MGAT4C: variants seen among roughly 807,000 people sequenced by gnomAD.
MGAT4C encodes the protein MGAT4 family member C, also known as alpha-1,3-mannosyl-glycoprotein 4-beta-N-acetylglucosaminyltransferase C.
A neutral mutation model predicts 40.1 loss-of-function variants in MGAT4C; 19 were observed. That is an observed-to-expected ratio of 0.47 (90% CI 0.33 to 0.70). The LOEUF is 0.70. Among genes scored for constraint, MGAT4C ranks in the 30% least tolerant of loss-of-function variants. The pLI, the probability that MGAT4C is intolerant of heterozygous loss-of-function variation, is 0.02. For synonymous variants in MGAT4C, 181 were observed against 187.1 expected (o/e 0.97, Z 0.27); for missense variants, 491 against 563.2 (o/e 0.87, Z 1.30).
intron 3 of MGAT4C, among the ~76,000 whole-genome samples, chr12:86,424,770 A>G (rs951560421): frequency 2.0e-5 from 3 of 152,040 alleles, no homozygotes; most frequent in Non-Finnish European, 4.4e-5. Context: ...ATATACATAC[A>G]TATTTAGACA....
chr12:86,257,481 A>C (rs1010918762), upstream of MGAT4C, among the ~76,000 whole-genome samples: 22 of 152,210 alleles, frequency 1.4e-4, no homozygotes, highest in Non-Finnish European at 2.5e-4. Flanking sequence ...CGAACAGTAC[A>C]AGCACCTGGA....
intron 1 of MGAT4C, among the ~76,000 whole-genome samples, chr12:86,804,736 G>T (rs1404001583): frequency 6.6e-6 from 1 of 151,930 alleles, no homozygotes; most frequent in Non-Finnish European, 1.5e-5. Flanking sequence ...AGCCATCAAA[G>T]AAATTTGCAC....
intron 1 of MGAT4C, among the ~76,000 whole-genome samples, chr12:86,124,678 T>C (rs955338520): frequency 2.0e-5 from 3 of 152,088 alleles, no homozygotes; most frequent in Non-Finnish European, 2.9e-5. Context: ...TTATACCAGA[T>C]AGGCTATTCA....
intron 4 of MGAT4C, among the ~76,000 whole-genome samples, chr12:86,276,017 C>A (rs542048177): frequency 2.1e-5 from 3 of 144,276 alleles, no homozygotes; most frequent in Admixed American, 1.4e-4. Context: ...CAGCTACAGG[C>A]TGAGGCTGGA....
In MGAT4C at chr12:85,960,097, G is replaced by A. The variant is rs757233575; in HGVS notation, c.*19192C>T. 61 of 151,878 alleles carry A rather than the reference G, an allele frequency of 4.0e-4. No individual in the cohort carries two copies. Among genetic ancestry groups the A allele is most frequent in the Non-Finnish European group, 8.2e-4 (56 of 67,896 alleles). 9.4% of individuals were successfully genotyped at this position (151,878 alleles called of 1,614,324 possible). A position where few individuals can be genotyped will look rare whatever the true frequency, so the allele number is the denominator to read the frequency against. ...GTCTAATTTTTGGAAAGTATACTTC[G>A]CCTTTTCAGTAATTTTATTTTTCGG... is the stretch of plus-strand genomic sequence containing the variant. On this transcript the variant is annotated 3_prime_UTR_variant, in exon 5 of 5. Coordinates refer to ENST00000611864, the MANE Select transcript of MGAT4C (RefSeq NM_001351288.2).
chr12:86,146,229 C>T (rs1263253676), intron 1 of MGAT4C, among the ~76,000 whole-genome samples: 1 of 152,208 alleles, frequency 6.6e-6, no homozygotes, highest in African/African-American at 2.4e-5. Context: ...TATTTTCTTA[C>T]ATGTATATTC....
At chr12:86,426,573 C>G (rs1049647551) in intron 3 of MGAT4C, among the ~76,000 whole-genome samples, 1 of 152,160 alleles carries the variant, frequency 6.6e-6, no homozygotes, top group Non-Finnish European at 1.5e-5. Flanking sequence ...TTTCTGGAAT[C>G]CAGGTAGACT....
chr12:85,987,052 G>T (rs1271943026), intron 3 of MGAT4C, among the ~76,000 whole-genome samples: 1 of 144,990 alleles, frequency 6.9e-6, no homozygotes, highest in East Asian at 2.1e-4. Flanking sequence ...AGGGATGAGT[G>T]TTGGAATTTA....
chr12:86,449,921 T>C (rs1460105274), intron 2 of MGAT4C, among the ~76,000 whole-genome samples: 1 of 152,160 alleles, frequency 6.6e-6, no homozygotes, highest in African/African-American at 2.4e-5. Context: ...TTTGTGGTAA[T>C]GAAATGCTTT....
chr12:86,449,464 T>C (rs1042336049), intron 2 of MGAT4C, among the ~76,000 whole-genome samples: 5 of 152,290 alleles, frequency 3.3e-5, no homozygotes, highest in Non-Finnish European at 7.4e-5. Flanking sequence ...AATTGTATAG[T>C]TTGATGTATC....
chr12:86,330,262 C>A (rs1329943111), intron 4 of MGAT4C, among the ~76,000 whole-genome samples: 1 of 152,124 alleles, frequency 6.6e-6, no homozygotes, highest in Non-Finnish European at 1.5e-5. Flanking sequence ...CAGTTTATTG[C>A]CATTAGTACG....
At chr12:86,182,151 A>T (rs1356814922) in intron 1 of MGAT4C, among the ~76,000 whole-genome samples, 1 of 152,152 alleles carries the variant, frequency 6.6e-6, no homozygotes, top group East Asian at 1.9e-4. Flanking sequence ...TAAAATGATT[A>T]CTGTGAATAT....
chr12:86,457,768 T>C (rs1372574528), intron 2 of MGAT4C, among the ~76,000 whole-genome samples: 12 of 152,114 alleles, frequency 7.9e-5, no homozygotes, highest in Non-Finnish European at 1.2e-4. Context: ...AAATAAATGA[T>C]GGCATTTCTA....
intron 3 of MGAT4C, among the ~76,000 whole-genome samples, chr12:86,426,106 CA>C (rs1956920237): frequency 1.3e-5 from 2 of 151,978 alleles, no homozygotes; most frequent in Non-Finnish European, 2.9e-5. Flanking sequence ...TAGAAGTATA[CA>C]ACTTATTTTG....
At chr12:86,347,415 C>G (rs1041836034) in intron 3 of MGAT4C, among the ~76,000 whole-genome samples, 1 of 152,024 alleles carries the variant, frequency 6.6e-6, no homozygotes. Context: ...TCACTGAATT[C>G]GTGACTTATA....
intron 1 of MGAT4C, among the ~76,000 whole-genome samples, chr12:86,106,094 T>C (rs1876113080): frequency 6.6e-6 from 1 of 152,196 alleles, no homozygotes; most frequent in East Asian, 1.9e-4. Flanking sequence ...ATGGAATATG[T>C]ACTAATAGTG....
intron 3 of MGAT4C, among the ~76,000 whole-genome samples, chr12:86,377,628 T>C (rs1955855266): frequency 6.6e-6 from 1 of 152,202 alleles, no homozygotes; most frequent in Non-Finnish European, 1.5e-5. Context: ...TTCATCCCTT[T>C]GATTTTTTCA....
chr12:86,150,392 A>G lies in MGAT4C; in HGVS notation c.-56-100669T>C, dbSNP rs761766543. ...TACAATACTGCCTGGCAAATAATAC[A>G]CGTTCAATAAGTTTTAGTTATTACT... On this transcript the variant is annotated intron_variant, in intron 1 of 4. Coordinates refer to ENST00000611864, the MANE Select transcript of MGAT4C (RefSeq NM_001351288.2). 1.5e-3 allele frequency among the ~76,000 whole-genome samples: 233 copies of G among 152,286 alleles called. 1 individual carries two copies. The highest frequency in any genetic ancestry group is 2.5e-3 in the Non-Finnish European group (170 of 68,024).
intron 2 of MGAT4C, among the ~76,000 whole-genome samples, chr12:86,478,289 GATGTC>G (rs1189078073): frequency 2.6e-5 from 4 of 152,158 alleles, no homozygotes; most frequent in African/African-American, 9.6e-5. Flanking sequence ...AGATGTAAAA[GATGTC>G]ATGTGAAGAC....
Sources: gnomAD v4.1 joint callset for allele counts (sites outside exome capture counted in the v4.1 genomes callset) on GRCh38, gnomAD v4.1.1 for gene constraint, MANE v1.5 for transcripts, NCBI Gene and HGNC (gene_info 2026-07-23, HGNC 2026-07-21) for gene names.